Variants in GPC5 observed in about 807,000 individuals in gnomAD.
The protein encoded by GPC5 is glypican 5.
A neutral mutation model predicts 53.9 loss-of-function variants in GPC5; 47 were observed. That is an observed-to-expected ratio of 0.87 (90% CI 0.69 to 1.11). The LOEUF is 1.11. Ranked by LOEUF, GPC5 falls within the 50% of genes most tolerant of loss-of-function variation. The pLI is 0.00. For synonymous variants in GPC5, 286 were observed against 263.3 expected, an observed-to-expected ratio of 1.09 and a Z score of -0.84; for missense variants, 748 against 713.1, an observed-to-expected ratio of 1.05 and a Z score of -0.56.
At chr13:91,954,532 T>C (rs886167846) in intron 6 of GPC5, among the ~76,000 whole-genome samples, 3 of 118,580 alleles carry the variant, frequency 2.5e-5, no homozygotes, top group Non-Finnish European at 5.2e-5. Flanking sequence ...TAACAATATT[T>C]GATAAAATTT....
intron 7 of GPC5, among the ~76,000 whole-genome samples, chr13:92,256,147 T>C (rs9523557): frequency 0.57 from 86,457 of 151,244 alleles, 24,977 homozygotes; most frequent in South Asian, 0.65. Context: ...AATATAGAGA[T>C]ATAATATAGA....
At chr13:92,628,512 C>A (rs1000061807) in intron 7 of GPC5, among the ~76,000 whole-genome samples, 2 of 151,914 alleles carry the variant, frequency 1.3e-5, no homozygotes, top group African/African-American at 4.8e-5. Context: ...TTCCCGTGTC[C>A]ATGCTCAGCC....
chr13:91,439,644 G>A (rs1314969245), intron 1 of GPC5, among the ~76,000 whole-genome samples: 1 of 151,640 alleles, frequency 6.6e-6, no homozygotes, highest in Non-Finnish European at 1.5e-5. Context: ...TCTCTTGATG[G>A]TACTCATAAT....
intron 2 of GPC5, among the ~76,000 whole-genome samples, chr13:91,639,151 C>G (rs1250075152): frequency 6.6e-6 from 1 of 152,078 alleles, no homozygotes; most frequent in African/African-American, 2.4e-5. Flanking sequence ...TTCCCCAGCA[C>G]AGGTGTGTGG....
intron 6 of GPC5, among the ~76,000 whole-genome samples, chr13:91,909,926 G>A (rs549658107): frequency 7.2e-5 from 11 of 152,194 alleles, no homozygotes; most frequent in African/African-American, 2.2e-4. Flanking sequence ...TTTAGCTTCT[G>A]TGTGAACTCG....
chr13:91,457,825 G>A (rs575066442), intron 2 of GPC5, among the ~76,000 whole-genome samples: 1 of 152,212 alleles, frequency 6.6e-6, no homozygotes, highest in African/African-American at 2.4e-5. Flanking sequence ...GTGGAAGGCT[G>A]AAGGTGGTAG....
chr13:92,553,822 A>C (rs963150237), intron 7 of GPC5, among the ~76,000 whole-genome samples: 5 of 151,988 alleles, frequency 3.3e-5, no homozygotes, highest in Admixed American at 2.6e-4. Flanking sequence ...TTTTCTCTCC[A>C]GAATCCACAG....
intron 7 of GPC5, among the ~76,000 whole-genome samples, chr13:92,463,138 G>A (rs41340446): frequency 0.14 from 20,619 of 152,082 alleles, 1,534 homozygotes; most frequent in South Asian, 0.2. Context: ...AGATGAGCCC[G>A]ATTTACATGA....
chr13:92,177,941 G>T (rs1308630650), intron 7 of GPC5, among the ~76,000 whole-genome samples: 1 of 152,112 alleles, frequency 6.6e-6, no homozygotes, highest in East Asian at 1.9e-4. Context: ...GAAGTCATTT[G>T]CTAATGAAGG....
intron 7 of GPC5, among the ~76,000 whole-genome samples, chr13:92,696,260 G>C (rs1275697905): frequency 1.3e-5 from 2 of 152,088 alleles, no homozygotes; most frequent in Non-Finnish European, 2.9e-5. Flanking sequence ...CTAGATCCTT[G>C]AGGAATCATC....
intron 7 of GPC5, among the ~76,000 whole-genome samples, chr13:92,540,887 A>T (rs578253908): frequency 6.6e-6 from 1 of 152,010 alleles, no homozygotes; most frequent in East Asian, 1.9e-4. Flanking sequence ...GTCCAAGAAG[A>T]CCAGCAGTGT....
chr13:92,376,791 C>A (rs752477761), intron 7 of GPC5, among the ~76,000 whole-genome samples: 103 of 151,988 alleles, frequency 6.8e-4, no homozygotes, highest in Non-Finnish European at 1.1e-3. Context: ...TTAAGGCGGG[C>A]GGATCACCAG....
intron 6 of GPC5, among the ~76,000 whole-genome samples, chr13:92,007,978 T>C (rs75710924): frequency 6.6e-6 from 1 of 152,046 alleles, no homozygotes; most frequent in Non-Finnish European, 1.5e-5. Flanking sequence ...CTTCTACATA[T>C]GTTATAAATT....
chr13:91,687,381 G>T (rs1025364240), intron 2 of GPC5, among the ~76,000 whole-genome samples: 1 of 152,036 alleles, frequency 6.6e-6, no homozygotes, highest in South Asian at 2.1e-4. Flanking sequence ...TCTCTAAAAG[G>T]AATGTGGGCT....
intron 7 of GPC5, among the ~76,000 whole-genome samples, chr13:92,599,727 G>A (rs1454988936): frequency 6.6e-6 from 1 of 152,070 alleles, no homozygotes; most frequent in Non-Finnish European, 1.5e-5. Flanking sequence ...AACCAGTTAG[G>A]AAGTAATAAG....
chr13:92,834,845 T>C lies in GPC5; in HGVS notation c.1562-31437T>C, dbSNP rs529948147. Among the ~76,000 whole-genome samples, 3 of 152,216 alleles carry C rather than the reference T, an allele frequency of 2.0e-5. No homozygotes were observed. The South Asian group carries it at 6.2e-4, about 32-fold the overall frequency. On this transcript the variant is annotated intron_variant, in intron 7 of 7. Coordinates refer to ENST00000377067, the MANE Select transcript of GPC5 (RefSeq NM_004466.6). ...CATAGTGTAAAGTTGGTTTAAAGGG[T>C]AAAAGTTGACAAGAATCGAACTTAC...
chr13:91,720,061 G>C, intron 3 of GPC5, among the ~76,000 whole-genome samples: 1 of 152,064 alleles, frequency 6.6e-6, no homozygotes. Context: ...TATATGAAAC[G>C]AGGTCTCTAC....
At chr13:92,723,850 T>C (rs149730115) in intron 7 of GPC5, among the ~76,000 whole-genome samples, 1 of 151,658 alleles carries the variant, frequency 6.6e-6, no homozygotes, top group Admixed American at 6.6e-5. Context: ...TTCTATCATA[T>C]GCTGAAAATC....
Position 91,780,828 on chromosome 13 carries a change from T to A in GPC5, c.1280+24408T>A, listed in dbSNP as rs536862411. 4.6e-5 allele frequency among the ~76,000 whole-genome samples: 7 copies of A among 152,326 alleles called. No homozygotes were observed. In the South Asian group the frequency reaches 1.4e-3, roughly 32 times the overall value. On this transcript the variant is annotated intron_variant, in intron 5 of 7. Coordinates refer to ENST00000377067, the MANE Select transcript of GPC5 (RefSeq NM_004466.6). Reference sequence around the variant, plus strand: ...TTCAAGGTCAACGCCACAAGTAGAATGAGTGTTGGAAAAACATAATAACTT... The same window carrying A: ...TTCAAGGTCAACGCCACAAGTAGAAAGAGTGTTGGAAAAACATAATAACTT...
Sources: allele counts gnomAD v4.1 joint callset (sites outside exome capture counted in the v4.1 genomes callset), GRCh38; gene constraint gnomAD v4.1.1; transcripts MANE v1.5; gene names NCBI Gene and HGNC (gene_info 2026-07-23, HGNC 2026-07-21).